NTF3: variants seen among roughly 807,000 people sequenced by gnomAD.
The protein encoded by NTF3 is neurotrophin 3.
NTF3 carries 8 observed loss-of-function variants against 26.3 expected under a neutral mutation model. The ratio of observed to expected loss-of-function variants is 0.30; its 90% CI spans 0.18 to 0.55. The LOEUF (loss-of-function observed/expected upper bound fraction) is 0.55. Ranked by LOEUF, NTF3 falls within the 20% of genes least tolerant of loss-of-function variation. The probability of loss-of-function intolerance (pLI) is 0.93; values close to 1 mark genes in which losing one functional copy is unlikely to be tolerated. For missense variants in NTF3, 276 were observed against 352.9 expected, an observed-to-expected ratio of 0.78 and a Z score of 1.75; for synonymous variants, 154 against 145.5, an observed-to-expected ratio of 1.06 and a Z score of -0.42.
rs11614360 is a variant in NTF3 at position 5,481,846 on chromosome 12, C to G, written c.19-12348C>G. ...CACACATGCATACTACACACATGCA[C>G]ATGCACACACAAAAACATACACAGA... On this transcript the variant is annotated intron_variant, in intron 1 of 1. Coordinates refer to ENST00000423158, the MANE Select transcript of NTF3 (RefSeq NM_001102654.2). Among the ~76,000 whole-genome samples the G allele has an allele frequency of 1.2e-3, 146 of 126,772 alleles. 1 individual carries two copies. The highest frequency in any genetic ancestry group is 2.0e-3 in the Non-Finnish European group (115 of 58,196). The allele number at this position is 126,772 out of a possible 152,430, so 83.2% of individuals were successfully genotyped here. A position where few individuals can be genotyped will look rare whatever the true frequency, so the allele number is the denominator to read the frequency against.
chr12:5,457,944 G>A (rs1034929252), intron 1 of NTF3, among the ~76,000 whole-genome samples: 13 of 151,976 alleles, frequency 8.6e-5, no homozygotes, highest in African/African-American at 1.7e-4. Context: ...AGATCTCCTC[G>A]TCACCACTGC....
rs1228999016 is a variant in NTF3 at position 5,456,584 on chromosome 12, G to A, written c.18+24242G>A. ...CTGCATTCTGTTTGCAGCCCTGATC[G>A]TGAGCTCTGGGGGTCCTCTTCCACC... is the stretch of plus-strand genomic sequence containing the variant. On this transcript the variant is annotated intron_variant, in intron 1 of 1. Coordinates refer to ENST00000423158, the MANE Select transcript of NTF3 (RefSeq NM_001102654.2). This position sits in a 1 kb window ranked among gnomAD's most constrained non-coding sequence, Gnocchi z 4.4. Among the ~76,000 whole-genome samples the A allele has an allele frequency of 1.3e-5, 2 of 152,058 alleles. No homozygotes were observed. Among genetic ancestry groups the A allele is most frequent in the South Asian group, 2.1e-4 (1 of 4,814 alleles).
chr12:5,468,711 C>T (rs546024296), intron 1 of NTF3, among the ~76,000 whole-genome samples: 6 of 152,298 alleles, frequency 3.9e-5, no homozygotes, highest in Middle Eastern at 3.4e-3. Context: ...AATGCTGCTC[C>T]GCTTATGCTG....
chr12:5,481,243 C>T (rs544477517), intron 1 of NTF3, among the ~76,000 whole-genome samples: 2 of 152,178 alleles, frequency 1.3e-5, no homozygotes, highest in South Asian at 4.2e-4. Flanking sequence ...CAGACTTGCC[C>T]AGGGACTCAC....
intron 1 of NTF3, among the ~76,000 whole-genome samples, chr12:5,477,404 T>C (rs1441565516): frequency 1.3e-5 from 2 of 152,172 alleles, no homozygotes; most frequent in African/African-American, 4.8e-5. Flanking sequence ...CATTTGGCTA[T>C]AAAACCTAAC....
chr12:5,450,600 A>G (rs1328622237), intron 1 of NTF3, among the ~76,000 whole-genome samples: 1 of 152,214 alleles, frequency 6.6e-6, no homozygotes, highest in Non-Finnish European at 1.5e-5. Context: ...TTCATCTCAA[A>G]ATAATGGTCA....
chr12:5,454,281 T>A (rs1940410301), intron 1 of NTF3, among the ~76,000 whole-genome samples: 1 of 152,230 alleles, frequency 6.6e-6, no homozygotes, highest in African/African-American at 2.4e-5. Flanking sequence ...TTCTCCTTTG[T>A]CTCACACTGT....
In NTF3 at chr12:5,472,116, G is replaced by A. The variant is rs139459795; in HGVS notation, c.19-22078G>A. ...TACCATCTCTGTGTAATTAGGCTCC[G>A]TAAAGCTTTGTTTTTAAATTTATTA... is the stretch of plus-strand genomic sequence containing the variant. On this transcript the variant is annotated intron_variant, in intron 1 of 1. Transcript: ENST00000423158. 5.9e-4 allele frequency among the ~76,000 whole-genome samples: 90 copies of A among 152,180 alleles called. 1 individual carries two copies. The highest frequency in any genetic ancestry group is 2.0e-3 in the African/African-American group (82 of 41,506).
intron 1 of NTF3, among the ~76,000 whole-genome samples, chr12:5,481,547 AT>A (rs1565395318): frequency 2.7e-3 from 35 of 12,912 alleles, no homozygotes; most frequent in Non-Finnish European, 3.6e-3. Flanking sequence ...CACAGAATAC[AT>A]ATATGCACAC....
At chr12:5,483,199 A>ATC (rs144003087) in intron 1 of NTF3, among the ~76,000 whole-genome samples, 11,633 of 134,418 alleles carry the variant, frequency 0.087, 527 homozygotes, top group East Asian at 0.22. Context: ...CTCTCTTTCT[A>ATC]TCTCTCTCTC....
intron 1 of NTF3, among the ~76,000 whole-genome samples, chr12:5,453,138 T>C (rs1304319195): frequency 6.6e-6 from 1 of 152,270 alleles, no homozygotes; most frequent in African/African-American, 2.4e-5. Context: ...GAACAATGCC[T>C]GGCATATATG....
chr12:5,451,698 T>C (rs1323497749), intron 1 of NTF3, among the ~76,000 whole-genome samples: 1 of 152,210 alleles, frequency 6.6e-6, no homozygotes, highest in African/African-American at 2.4e-5. Context: ...TTTACTTTAA[T>C]GTAATTTTTA....
intron 1 of NTF3, among the ~76,000 whole-genome samples, chr12:5,444,481 G>T (rs1195861321): frequency 6.6e-6 from 1 of 152,198 alleles, no homozygotes; most frequent in Non-Finnish European, 1.5e-5. Flanking sequence ...AATCACTGGT[G>T]AAAGTAGGAG....
chr12:5,483,793 C>A (rs1021128079), intron 1 of NTF3, among the ~76,000 whole-genome samples: 2 of 152,066 alleles, frequency 1.3e-5, no homozygotes, highest in Non-Finnish European at 2.9e-5. Flanking sequence ...AACATGGAGA[C>A]CAAGGAATGA....
chr12:5,477,125 T>C (rs1385861349), intron 1 of NTF3, among the ~76,000 whole-genome samples: 1 of 152,212 alleles, frequency 6.6e-6, no homozygotes, highest in East Asian at 1.9e-4. Flanking sequence ...AAAACCATTG[T>C]AGGGAGTTTT....
intron 1 of NTF3, among the ~76,000 whole-genome samples, chr12:5,482,285 C>G (rs560261027): frequency 6.6e-6 from 1 of 152,364 alleles, no homozygotes; most frequent in East Asian, 1.9e-4. Flanking sequence ...ACTGCCACCC[C>G]TCTTGGGACA....
chr12:5,484,650 G>A (rs1940846018), intron 1 of NTF3, among the ~76,000 whole-genome samples: 1 of 152,126 alleles, frequency 6.6e-6, no homozygotes, highest in Non-Finnish European at 1.5e-5. Flanking sequence ...CATAACTGAG[G>A]GGTCTCCGCA....
At chr12:5,441,612 G>C (rs1940237479) in intron 1 of NTF3, among the ~76,000 whole-genome samples, 1 of 152,144 alleles carries the variant, frequency 6.6e-6, no homozygotes, top group African/African-American at 2.4e-5. Context: ...ACAGAGAAAG[G>C]GATCTGTTGT....
intron 1 of NTF3, among the ~76,000 whole-genome samples, chr12:5,444,262 G>T (rs1040613116): frequency 6.6e-6 from 1 of 152,170 alleles, no homozygotes; most frequent in Non-Finnish European, 1.5e-5. Flanking sequence ...TCCAATTGTC[G>T]ATTATGTGTT....
Sources: gnomAD v4.1 joint callset for allele counts (sites outside exome capture counted in the v4.1 genomes callset) on GRCh38, gnomAD v4.1.1 for gene constraint, Gnocchi (gnomAD v3.1) non-coding constraint, MANE v1.5 for transcripts, NCBI Gene and HGNC (gene_info 2026-07-23, HGNC 2026-07-21) for gene names.